Variants in RDH12 observed in about 807,000 individuals in gnomAD.
The protein encoded by RDH12 is all-trans and 9-cis retinol dehydrogenase.
RDH12 carries 21 observed loss-of-function variants against 34.0 expected under a neutral mutation model. The ratio of observed to expected loss-of-function variants is 0.62; its 90% CI spans 0.44 to 0.89. The LOEUF (loss-of-function observed/expected upper bound fraction) is 0.89. RDH12 is among the 40% of genes least tolerant of loss of function. The pLI is 0.00. For synonymous variants in RDH12, 198 were observed against 169.9 expected, an observed-to-expected ratio of 1.17 and a Z score of -1.29; for missense variants, 394 against 398.6, an observed-to-expected ratio of 0.99 and a Z score of 0.10.
intron 1 of RDH12, among the ~76,000 whole-genome samples, chr14:67,708,142 G>A (rs972058458): frequency 1.2e-4 from 19 of 152,116 alleles, no homozygotes; most frequent in African/African-American, 4.1e-4. Flanking sequence ...TATGCCCCAA[G>A]TTTTGTTCAT....
chr14:67,712,670 A>G lies in RDH12; in HGVS notation c.-274-8178A>G, dbSNP rs574359307. 1.7e-4 allele frequency among the ~76,000 whole-genome samples: 26 copies of G among 152,274 alleles called. No individual in the cohort carries two copies. In the East Asian group the frequency reaches 4.6e-3, roughly 27 times the overall value. Reference sequence around the variant, plus strand: ...AAAATCTCATTACTATATTTCATCTAGGACAAATTGCTGCTATTTCAGAAG... The same window carrying G: ...AAAATCTCATTACTATATTTCATCTGGGACAAATTGCTGCTATTTCAGAAG... On this transcript the variant is annotated intron_variant, in intron 1 of 8. Transcript: ENST00000551171.
chr14:67,727,238 T>C (rs1193505713), intron 7 of RDH12, 48 bp downstream of exon 7: 8 of 1,485,246 alleles, frequency 5.4e-6, no homozygotes, highest in Non-Finnish European at 7.4e-6. Context: ...CAGACCAAAT[T>C]AGAGGTCCAC....
rs138074943 is a variant in RDH12, at chr14:67,731,458, G to A, written c.848+2078G>A. On this transcript the variant is annotated intron_variant, in intron 8 of 8. Transcript: ENST00000551171. ...TTGAACTCCTGACCTCAAGTGATCC[G>A]CCCACCTCAGCCTCCCAAAGTGCTG... Among the ~76,000 whole-genome samples, 1,302 of 151,168 alleles carry A rather than the reference G, an allele frequency of 8.6e-3. 27 individuals are homozygous for A. The highest frequency in any genetic ancestry group is 0.03 in the African/African-American group (1,255 of 41,214).
At chr14:67,713,397 C>CAAAAAAAAAAAAAAA (rs71129850) in intron 1 of RDH12, among the ~76,000 whole-genome samples, 1 of 47,630 alleles carries the variant, frequency 2.1e-5, no homozygotes, top group South Asian at 1.2e-3. Context: ...AGTAAAACTC[C>CAAAAAAAAAAAAAAA]AAAAAAAAAA....
intron 7 of RDH12, chr14:67,727,470 CTTTTTGT>C (rs2038202317): frequency 3.4e-6 from 1 of 298,260 alleles, no homozygotes; most frequent in Non-Finnish European, 6.5e-6. Context: ...CAGACAGAGG[CTTTTTGT>C]TTTTTTTGTT....
intron 1 of RDH12, among the ~76,000 whole-genome samples, chr14:67,717,557 G>C (rs564687795): frequency 1.3e-5 from 2 of 152,310 alleles, no homozygotes; most frequent in South Asian, 4.1e-4. Flanking sequence ...CATACACCAG[G>C]GTTATCCTTT....
intron 1 of RDH12, among the ~76,000 whole-genome samples, chr14:67,710,083 T>C (rs905220387): frequency 1.3e-5 from 2 of 152,236 alleles, no homozygotes; most frequent in Admixed American, 6.5e-5. Flanking sequence ...TTTTAAGTTG[T>C]TCCACCTTTC....
intron 1 of RDH12, among the ~76,000 whole-genome samples, chr14:67,710,491 C>G (rs536575828): frequency 6.6e-6 from 1 of 152,204 alleles, no homozygotes; most frequent in Non-Finnish European, 1.5e-5. Flanking sequence ...TCTTGAACAT[C>G]CCTCCTTCTT....
At chr14:67,724,450 G>T in intron 3 of RDH12, 23 bp from the exon 4 acceptor site, 1 of 1,459,546 alleles carries the variant, frequency 6.9e-7, no homozygotes, top group Non-Finnish European at 9.5e-7. Flanking sequence ...GGTACGTGAT[G>T]CTCTTGTTTC....
intron 8 of RDH12, among the ~76,000 whole-genome samples, chr14:67,730,829 C>T (rs1026447397): frequency 1.3e-5 from 2 of 152,196 alleles, no homozygotes; most frequent in African/African-American, 2.4e-5. Context: ...GTCTTGAACT[C>T]CTGACGTCAG....
Position 67,725,176 on chromosome 14 carries a change from A to G in RDH12, c.265A>G (p.Asn89Asp), listed in dbSNP as rs927359411. Residue 89 changes from asparagine (N) to aspartate (D), a missense_variant, in exon 5 of 9, where the codon AAC becomes GAC. Physicochemically the swap from Asn to Asp is conservative, Grantham distance 23. Transcript: ENST00000551171. ...CAGTGAAATCCGAGTGGATACAAAG[A>G]ACTCCCAGGTGCTGGTGCGGAAATT... ...AASEIRVDTK[N>D]SQVLVRKLDL... The G allele has an allele frequency of 6.2e-6, 10 of 1,614,056 alleles. No homozygotes were observed. The highest frequency in any genetic ancestry group is 8.5e-6 in the Non-Finnish European group (10 of 1,180,034).
At chr14:67,723,379 A>C (rs2038147460) in intron 3 of RDH12, among the ~76,000 whole-genome samples, 1 of 152,200 alleles carries the variant, frequency 6.6e-6, no homozygotes, top group African/African-American at 2.4e-5. Flanking sequence ...GAATATAGGC[A>C]GGTGCCACTA....
At chr14:67,730,040 A>C (rs1463652423) in intron 8 of RDH12, among the ~76,000 whole-genome samples, 1 of 152,174 alleles carries the variant, frequency 6.6e-6, no homozygotes, top group Non-Finnish European at 1.5e-5. Flanking sequence ...GTCTGATGAG[A>C]GGGGAATGGA....
In RDH12 at chr14:67,734,223, T is replaced by A. The variant is rs1289748713; in HGVS notation, c.*375T>A. 3.5e-6 allele frequency: 1 copy of A among 284,346 alleles called. No individual in the cohort carries two copies. Among genetic ancestry groups the A allele is most frequent in the East Asian group, 8.0e-5 (1 of 12,544 alleles). 17.6% of individuals were successfully genotyped at this position (284,346 alleles called of 1,614,324 possible). A position where few individuals can be genotyped will look rare whatever the true frequency, so the allele number is the denominator to read the frequency against. ...CAAGAAGAGCACCATCACTGCCTAT[T>A]TCTAGGGGCTATACACTCCAACTCT... On this transcript the variant is annotated 3_prime_UTR_variant, in exon 9 of 9. Coordinates refer to ENST00000551171, the MANE Select transcript of RDH12 (RefSeq NM_152443.3).
At chr14:67,714,056 C>G (rs1254144601) in intron 1 of RDH12, among the ~76,000 whole-genome samples, 1 of 152,088 alleles carries the variant, frequency 6.6e-6, no homozygotes, top group East Asian at 1.9e-4. Context: ...ATTTTGGGGG[C>G]CCAAAATGTT....
intron 1 of RDH12, among the ~76,000 whole-genome samples, chr14:67,710,270 T>G (rs1386704685): frequency 6.6e-6 from 1 of 152,248 alleles, no homozygotes; most frequent in African/African-American, 2.4e-5. Context: ...AACTGAGACC[T>G]GTCTGAGATT....
intron 1 of RDH12, chr14:67,717,726 C>T (rs2038082693): frequency 6.6e-6 from 1 of 152,266 alleles, no homozygotes; most frequent in South Asian, 2.1e-4. Context: ...TAAAAATCCT[C>T]CTTTACTCGG....
At chr14:67,702,724 T>C (rs1434358764) in intron 1 of RDH12, among the ~76,000 whole-genome samples, 2 of 152,232 alleles carry the variant, frequency 1.3e-5, no homozygotes, top group Admixed American at 6.5e-5. Context: ...TTGGGTATCA[T>C]GTAGATACAA....
chr14:67,713,181 C>A (rs1405417734), intron 1 of RDH12, among the ~76,000 whole-genome samples: 1 of 151,810 alleles, frequency 6.6e-6, no homozygotes, highest in Non-Finnish European at 1.5e-5. Context: ...CTCAATTCAG[C>A]TACATACCTA....
Sources: gnomAD v4.1 joint callset for allele counts (sites outside exome capture counted in the v4.1 genomes callset) on GRCh38, gnomAD v4.1.1 for gene constraint, MANE v1.5 for transcripts, NCBI Gene and HGNC (gene_info 2026-07-23, HGNC 2026-07-21) for gene names.